NBAS: variants seen among roughly 807,000 people sequenced by gnomAD.
The protein encoded by NBAS is NBAS subunit of NRZ tethering complex.
NBAS carries 219 observed loss-of-function variants against 302.5 expected under a neutral mutation model. The observed-to-expected ratio is 0.72, with a 90% CI of 0.65 to 0.81. The LOEUF is 0.81. Ranked by LOEUF, NBAS falls within the 30% of genes least tolerant of loss-of-function variation. The pLI, the probability that NBAS is intolerant of heterozygous loss-of-function variation, is 0.00. For missense variants in NBAS, 2,932 were observed against 2,841.6 expected (o/e 1.03, Z -0.72); for synonymous variants, 1,118 against 1,021.6 (o/e 1.09, Z -1.80).
At chr2:15,097,682 C>A in the NBAS span, among the ~76,000 whole-genome samples, 3 of 151,270 alleles carry the variant, frequency 2.0e-5, no homozygotes, top group Non-Finnish European at 2.9e-5. Context: ...GGACACTAAT[C>A]CCACTCAGGA....
intron 7 of NBAS, 78 bp from the exon 8 acceptor site, chr2:15,536,629 T>A (rs1663533379): frequency 1.0e-5 from 12 of 1,149,046 alleles, no homozygotes; most frequent in Non-Finnish European, 1.5e-5. Flanking sequence ...TTAGAGAATA[T>A]CTGATACACT....
chr2:15,285,090 T>C (rs991110450), intron 42 of NBAS, among the ~76,000 whole-genome samples: 2 of 151,152 alleles, frequency 1.3e-5, no homozygotes, highest in Non-Finnish European at 2.9e-5. Context: ...AATGCCAGTG[T>C]GTGTATCATA....
chr2:15,027,328 C>T, the NBAS span, among the ~76,000 whole-genome samples: 37 of 151,936 alleles, frequency 2.4e-4, no homozygotes, highest in Non-Finnish European at 4.4e-4. Flanking sequence ...ACATTTACTG[C>T]CTTTATTATT....
chr2:15,297,876 C>CTG (rs942796731), intron 40 of NBAS, among the ~76,000 whole-genome samples: 17 of 151,490 alleles, frequency 1.1e-4, no homozygotes, highest in Non-Finnish European at 2.2e-4. Flanking sequence ...GTGTGTGTGT[C>CTG]TGTGTGTGTG....
chr2:15,124,910 A>T, the NBAS span, among the ~76,000 whole-genome samples: 2,670 of 152,258 alleles, frequency 0.018, 84 homozygotes, highest in African/African-American at 0.062. Flanking sequence ...CCCCACAGGG[A>T]TACTCTACTA....
intron 9 of NBAS, among the ~76,000 whole-genome samples, chr2:15,525,813 C>T (rs114227625): frequency 0.013 from 1,995 of 151,944 alleles, 20 homozygotes; most frequent in South Asian, 0.022. Context: ...AAATTGAAAA[C>T]AAAAATAGTA....
intron 44 of NBAS, among the ~76,000 whole-genome samples, chr2:15,268,620 A>G (rs930410622): frequency 3.3e-5 from 5 of 152,206 alleles, no homozygotes; most frequent in African/African-American, 1.2e-4. Flanking sequence ...GAGCCCACAA[A>G]TAGGAGGCAG....
At chr2:15,054,082 A>G in the NBAS span, among the ~76,000 whole-genome samples, 1 of 152,214 alleles carries the variant, frequency 6.6e-6, no homozygotes, top group Non-Finnish European at 1.5e-5. Flanking sequence ...AGGACTCTTC[A>G]GTTCAATGTA....
At chr2:15,055,368 G>A in the NBAS span, among the ~76,000 whole-genome samples, 4 of 152,174 alleles carry the variant, frequency 2.6e-5, no homozygotes, top group Admixed American at 1.3e-4. Context: ...GGTGCAACCT[G>A]ACTGCAAACA....
At chr2:14,862,308 G>A in the NBAS span, among the ~76,000 whole-genome samples, 7 of 152,022 alleles carry the variant, frequency 4.6e-5, no homozygotes, top group South Asian at 6.2e-4. Context: ...TAGTAAAGAC[G>A]GGGTTTCACC....
At chr2:15,481,521 T>C (rs536224319) in intron 12 of NBAS, among the ~76,000 whole-genome samples, 9 of 152,164 alleles carry the variant, frequency 5.9e-5, no homozygotes, top group East Asian at 3.9e-4. Context: ...CCTGGCACCA[T>C]GTGAATACAT....
At chr2:15,109,646 T>C in the NBAS span, among the ~76,000 whole-genome samples, 1 of 152,124 alleles carries the variant, frequency 6.6e-6, no homozygotes, top group Admixed American at 6.6e-5. Flanking sequence ...CTTCCAGGTT[T>C]TAGACTGCTG....
At chr2:15,287,748 T>C (rs1343512257) in intron 41 of NBAS, among the ~76,000 whole-genome samples, 1 of 151,424 alleles carries the variant, frequency 6.6e-6, no homozygotes, top group South Asian at 2.1e-4. Context: ...CATCCCCGCA[T>C]AAACATCCTG....
the NBAS span, among the ~76,000 whole-genome samples, chr2:14,812,415 C>T: frequency 6.6e-6 from 1 of 152,176 alleles, no homozygotes; most frequent in South Asian, 2.1e-4. Context: ...TACAAGTCCC[C>T]CACAATCTCT....
At chr2:14,891,189 C>A in the NBAS span, among the ~76,000 whole-genome samples, 1 of 152,070 alleles carries the variant, frequency 6.6e-6, no homozygotes, top group Non-Finnish European at 1.5e-5. Flanking sequence ...GTGGGCAGAC[C>A]ACAGGGCTGG....
At chr2:14,783,693 G>A in the NBAS span, among the ~76,000 whole-genome samples, 1 of 151,734 alleles carries the variant, frequency 6.6e-6, no homozygotes, top group Non-Finnish European at 1.5e-5. Flanking sequence ...GTGTATATGT[G>A]CCATATTTTC....
chr2:15,383,372 CT>C, intron 28 of NBAS, 55 bp from the exon 29 acceptor site: 3 of 1,532,894 alleles, frequency 2.0e-6, no homozygotes, highest in African/African-American at 1.4e-5. Flanking sequence ...ATTAAAATCT[CT>C]TTCTTCAAAT....
chr2:15,327,355 A>C (rs1286542625), intron 38 of NBAS, among the ~76,000 whole-genome samples: 1 of 152,186 alleles, frequency 6.6e-6, no homozygotes, highest in Non-Finnish European at 1.5e-5. Flanking sequence ...CTTTTCAAAA[A>C]TTTCCACATG....
intron 35 of NBAS, among the ~76,000 whole-genome samples, chr2:15,340,554 T>G (rs770078126): frequency 2.6e-4 from 40 of 152,132 alleles, no homozygotes; most frequent in Non-Finnish European, 5.4e-4. Context: ...CAGCTGTACA[T>G]TCAAGTCCGG....
Sources: allele counts gnomAD v4.1 joint callset (sites outside exome capture counted in the v4.1 genomes callset), GRCh38; gene constraint gnomAD v4.1.1; transcripts MANE v1.5; gene names NCBI Gene and HGNC (gene_info 2026-07-23, HGNC 2026-07-21).